The following ARIH1 variants were observed in gnomAD, a reference collection of about 807,000 sequenced individuals.
The protein encoded by ARIH1 is E3 ubiquitin-protein ligase ARIH1.
A neutral mutation model predicts 85.0 loss-of-function variants in ARIH1; 8 were observed. That is an observed-to-expected ratio of 0.09 (90% CI 0.06 to 0.17). The LOEUF is 0.17. ARIH1 is among the 10% of genes least tolerant of loss of function. ARIH1 has a pLI of 1.00. For missense variants in ARIH1, 311 were observed against 718.1 expected (o/e 0.43, Z 6.48); for synonymous variants, 238 against 253.6 (o/e 0.94, Z 0.59).
chr15:72,563,411 G>A lies in ARIH1; in HGVS notation c.822G>A (p.Lys274=). The change falls in exon 7 of 14, where the codon AAG becomes AAA. Residue 274 remains lysine (K), a synonymous_variant. Transcript: ENST00000379887. ...TATTTCAGTGCAATCGACTGTTAAA[G>A]TGGTGTCCTGCCCCAGATTGCCACC... is the stretch of plus-strand genomic sequence containing the variant. The part of the protein sequence containing the change: ...NSFVECNRLL[K]WCPAPDCHHV... The A allele has an allele frequency of 6.2e-6, 10 of 1,613,826 alleles. No individual in the cohort carries two copies. The highest frequency in any genetic ancestry group is 8.5e-6 in the Non-Finnish European group (10 of 1,179,776).
At position 72,481,826 on chromosome 15, in the gene ARIH1, ATTTTCTTTTC is replaced by A. The variant is rs934913934; in HGVS notation, c.375+6827_375+6836del. ...TCAGCTAAGGTGGTCTTTACTCAGT[ATTTTCTTTTC>A]TTTTCTTTTCTTTTTTGGAGACAGA... On this transcript the variant is annotated intron_variant, in intron 1 of 13. Coordinates refer to ENST00000379887, the MANE Select transcript of ARIH1 (RefSeq NM_005744.5). 2.6e-5 allele frequency among the ~76,000 whole-genome samples: 4 copies of A among 151,826 alleles called. No homozygotes were observed. The East Asian group carries it at 5.8e-4, about 22-fold the overall frequency.
intron 1 of ARIH1, among the ~76,000 whole-genome samples, chr15:72,483,424 A>G (rs1359070381): frequency 6.6e-6 from 1 of 152,218 alleles, no homozygotes; most frequent in African/African-American, 2.4e-5. Flanking sequence ...ACTTTGCAAT[A>G]TTCTATTTGT....
intron 2 of ARIH1, among the ~76,000 whole-genome samples, chr15:72,540,189 C>T (rs1248622118): frequency 3.7e-5 from 5 of 135,346 alleles, no homozygotes; most frequent in African/African-American, 5.6e-5. Context: ...ACCTGGGAGG[C>T]GGAGGTTGCA....
intron 1 of ARIH1, among the ~76,000 whole-genome samples, chr15:72,501,673 A>G (rs2063904722): frequency 6.6e-6 from 1 of 152,216 alleles, no homozygotes; most frequent in South Asian, 2.1e-4. Context: ...CTTAGGGCTT[A>G]ACAGTTGGAA....
intron 3 of ARIH1, among the ~76,000 whole-genome samples, chr15:72,550,410 T>C (rs1267461983): frequency 6.6e-6 from 1 of 152,212 alleles, no homozygotes; most frequent in Non-Finnish European, 1.5e-5. Context: ...ATGAAGCACA[T>C]ATAAGCATGT....
chr15:72,474,894 C>CGGCGGTGGTGGT lies in ARIH1; in HGVS notation c.257_258insCGGTGGTGGTGG (p.Gly87_Gly90dup), dbSNP rs2063787862. 7.2e-7 allele frequency: 1 copy of CGGCGGTGGTGGT among 1,397,950 alleles called. No homozygotes were observed. The highest frequency in any genetic ancestry group is 9.4e-7 in the Non-Finnish European group (1 of 1,068,640). The allele number at this position is 1,397,950 out of a possible 1,614,324, so 86.6% of individuals were successfully genotyped here. A position where few individuals can be genotyped will look rare whatever the true frequency, so the allele number is the denominator to read the frequency against. ...GCGGTGGCGGCGGCGGCGGCGGCGG[C>CGGCGGTGGTGGT]GGTGGTGGTGGCGGGCCGGGGCATG... On this transcript the variant is annotated inframe_insertion, in exon 1 of 14. Coordinates refer to ENST00000379887, the MANE Select transcript of ARIH1 (RefSeq NM_005744.5).
At chr15:72,503,802 C>T (rs917940132) in intron 1 of ARIH1, among the ~76,000 whole-genome samples, 1 of 152,196 alleles carries the variant, frequency 6.6e-6, no homozygotes, top group Non-Finnish European at 1.5e-5. Context: ...GGAGGGAGCA[C>T]GTGAGCAAGT....
At position 72,489,494 on chromosome 15, in the gene ARIH1, G is replaced by A. The variant is rs28439115; in HGVS notation, c.375+14480G>A. On this transcript the variant is annotated intron_variant, in intron 1 of 13. Transcript: ENST00000379887. ...TGTGTTCTTCACTATCACACACTCA[G>A]AGTAAAAAAATACGTTTCACTTAAT... Among the ~76,000 whole-genome samples, 1,509 of 152,166 alleles carry A rather than the reference G, an allele frequency of 9.9e-3. 41 individuals carry two copies. Among genetic ancestry groups the A allele is most frequent in the Admixed American group, 0.055 (839 of 15,254 alleles).
At chr15:72,542,545 T>G (rs1231520257) in intron 2 of ARIH1, among the ~76,000 whole-genome samples, 1 of 152,174 alleles carries the variant, frequency 6.6e-6, no homozygotes. Flanking sequence ...CAGAATAACA[T>G]TGGTTGGATA....
intron 12 of ARIH1, 151 bp from the exon 13 acceptor site, chr15:72,581,924 G>T (rs985461753): frequency 1.0e-5 from 5 of 490,248 alleles, no homozygotes; most frequent in Non-Finnish European, 1.8e-5. Context: ...TATTAGAGAT[G>T]AAAGCCCATA....
intron 3 of ARIH1, among the ~76,000 whole-genome samples, chr15:72,548,786 ATTTG>A (rs1010348522): frequency 3.7e-4 from 57 of 152,284 alleles, no homozygotes; most frequent in Admixed American, 2.6e-3. Flanking sequence ...CTCTCCAAGC[ATTTG>A]TACTTTTTTA....
chr15:72,557,470 T>C (rs1336567386), intron 5 of ARIH1, among the ~76,000 whole-genome samples: 3 of 152,182 alleles, frequency 2.0e-5, no homozygotes, highest in Admixed American at 2.0e-4. Context: ...GTGTATAATT[T>C]TTAAATATTT....
At chr15:72,578,377 A>G (rs2064280937) in intron 11 of ARIH1, among the ~76,000 whole-genome samples, 1 of 152,168 alleles carries the variant, frequency 6.6e-6, no homozygotes, top group Non-Finnish European at 1.5e-5. Flanking sequence ...TCTCTTCGAT[A>G]GCATTGACAG....
At chr15:72,502,505 A>G (rs2063907977) in intron 1 of ARIH1, among the ~76,000 whole-genome samples, 1 of 152,128 alleles carries the variant, frequency 6.6e-6, no homozygotes, top group African/African-American at 2.4e-5. Context: ...TGCTTTAAAT[A>G]ATCTCCAAGA....
chr15:72,547,814 T>C (rs567346150), intron 3 of ARIH1, among the ~76,000 whole-genome samples: 2 of 152,358 alleles, frequency 1.3e-5, no homozygotes, highest in Admixed American at 1.3e-4. Context: ...TTTTTCCTCC[T>C]GCCCTATCAT....
At chr15:72,486,084 A>G (rs1213250289) in intron 1 of ARIH1, among the ~76,000 whole-genome samples, 1 of 152,188 alleles carries the variant, frequency 6.6e-6, no homozygotes, top group Non-Finnish European at 1.5e-5. Flanking sequence ...TTATGATTTA[A>G]GTTTCTTTCT....
rs950446526 is a variant in ARIH1 at position 72,544,708 on chromosome 15, T to C, written c.444-112T>C. On this transcript the variant is annotated intron_variant, in intron 2 of 13. Coordinates refer to ENST00000379887, the MANE Select transcript of ARIH1 (RefSeq NM_005744.5). The stretch of plus-strand genomic sequence containing the variant: ...CCTCTGAATAAAAAGGTTGTTATCT[T>C]GTTTTATTTTAATTCAACTTCTTGC... The C allele has an allele frequency of 2.2e-5, 21 of 971,662 alleles. No homozygotes were observed. In the South Asian group the frequency reaches 4.0e-4, roughly 19 times the overall value. The allele number at this position is 971,662 out of a possible 1,614,324, so 60.2% of individuals were successfully genotyped here.
chr15:72,494,994 CT>C (rs895850315), intron 1 of ARIH1, among the ~76,000 whole-genome samples: 21 of 152,278 alleles, frequency 1.4e-4, no homozygotes, highest in African/African-American at 5.1e-4. Flanking sequence ...CTTTAAGCAA[CT>C]TTCATTTAAC....
intron 2 of ARIH1, among the ~76,000 whole-genome samples, chr15:72,536,513 TC>T (rs1268051329): frequency 2.6e-5 from 4 of 152,242 alleles, no homozygotes; most frequent in African/African-American, 9.6e-5. Flanking sequence ...AAATTTTTTA[TC>T]GTAAAAGCTG....
Sources: gnomAD v4.1 joint callset for allele counts (sites outside exome capture counted in the v4.1 genomes callset) on GRCh38, gnomAD v4.1.1 for gene constraint, MANE v1.5 for transcripts, NCBI Gene and HGNC (gene_info 2026-07-23, HGNC 2026-07-21) for gene names.